Variants in TAF2 observed in about 807,000 individuals in gnomAD.
TAF2 encodes transcription initiation factor TFIID subunit 2.
TAF2 carries 61 observed loss-of-function variants against 138.5 expected under a neutral mutation model. That is an observed-to-expected ratio of 0.44 (90% CI 0.36 to 0.54). The LOEUF is 0.54. Among genes scored for constraint, TAF2 ranks in the 20% least tolerant of loss-of-function variants. TAF2 has a pLI of 0.00. For missense variants in TAF2, 1,090 were observed against 1,427.9 expected, an observed-to-expected ratio of 0.76 and a Z score of 3.81; for synonymous variants, 475 against 469.9, an observed-to-expected ratio of 1.01 and a Z score of -0.14.
chr8:119,799,864 T>A (rs1824123503), intron 6 of TAF2, among the ~76,000 whole-genome samples: 1 of 152,208 alleles, frequency 6.6e-6, no homozygotes, highest in Non-Finnish European at 1.5e-5. Flanking sequence ...TGAGATGGTA[T>A]CTCATTGTGG....
intron 3 of TAF2, among the ~76,000 whole-genome samples, chr8:119,816,210 C>T (rs1825463436): frequency 6.6e-6 from 1 of 151,890 alleles, no homozygotes; most frequent in African/African-American, 2.4e-5. Flanking sequence ...ACTACTACAC[C>T]CGGCTAATTT....
intron 2 of TAF2, 61 bp downstream of exon 2, chr8:119,831,616 G>A (rs1336174398): frequency 9.6e-6 from 12 of 1,251,450 alleles, no homozygotes; most frequent in East Asian, 4.7e-5. Context: ...ACTGTGAGGG[G>A]TGGATTGTTA....
intron 25 of TAF2, among the ~76,000 whole-genome samples, chr8:119,739,182 G>GGC (rs1404179993): frequency 2.6e-5 from 4 of 151,896 alleles, no homozygotes; most frequent in Non-Finnish European, 5.9e-5. Context: ...CCCCTTGCCC[G>GGC]GCCTCTCTTC....
At chr8:119,787,182 A>G (rs1164242260) in intron 14 of TAF2, among the ~76,000 whole-genome samples, 1 of 152,174 alleles carries the variant, frequency 6.6e-6, no homozygotes, top group Non-Finnish European at 1.5e-5. Flanking sequence ...TCCAGAATCT[A>G]CAAGGAACTT....
rs539672421 is a variant in TAF2, at chr8:119,741,117, TG to T, written c.3337+1416del. Among the ~76,000 whole-genome samples, 214 of 152,162 alleles carry T rather than the reference TG, an allele frequency of 1.4e-3. 1 individual carries two copies. The highest frequency in any genetic ancestry group is 4.9e-3 in the African/African-American group (205 of 41,534). On this transcript the variant is annotated intron_variant, in intron 25 of 25. Transcript: ENST00000378164. ...CTATAAAGAAAGAACTGAAAAAAAGTGAAAATGTATTTTTAAAAGCAATAAG... is the reference window on the plus strand; with the variant it reads ...CTATAAAGAAAGAACTGAAAAAAAGTAAAATGTATTTTTAAAAGCAATAAG...
At chr8:119,801,717 C>A in intron 6 of TAF2, 77 bp downstream of exon 6, 2 of 1,422,830 alleles carry the variant, frequency 1.4e-6, no homozygotes, top group Non-Finnish European at 2.0e-6. Context: ...CATGAGCCAC[C>A]GTGCCTTGCC....
chr8:119,795,190 C>T (rs1433506188), intron 9 of TAF2, among the ~76,000 whole-genome samples: 4 of 152,064 alleles, frequency 2.6e-5, no homozygotes, highest in African/African-American at 9.7e-5. Flanking sequence ...CTACAATTGC[C>T]CTCCTTAAAC....
At chr8:119,822,933 C>G (rs1396395077) in intron 2 of TAF2, among the ~76,000 whole-genome samples, 1 of 152,190 alleles carries the variant, frequency 6.6e-6, no homozygotes, top group East Asian at 1.9e-4. Context: ...TTCAACCACT[C>G]CTCTGCCAAC....
chr8:119,788,461 A>G lies in TAF2; in HGVS notation c.1684-14T>C. 1 of 1,598,418 alleles carries G rather than the reference A, an allele frequency of 6.3e-7. No homozygotes were observed. The highest frequency in any genetic ancestry group is 8.6e-7 in the Non-Finnish European group (1 of 1,167,166). On this transcript the variant is annotated splice_polypyrimidine_tract_variant and intron_variant, in intron 13 of 25. Transcript: ENST00000378164. ...TTTAAGTGGTCCCTTTTAAAAAAAAAACGTACTGTTCAGAGATGTGATTTA... is the reference window on the plus strand; with the variant it reads ...TTTAAGTGGTCCCTTTTAAAAAAAAGACGTACTGTTCAGAGATGTGATTTA...
chr8:119,737,511 CTTTTTT>C (rs34513662), intron 25 of TAF2, among the ~76,000 whole-genome samples: 1 of 137,356 alleles, frequency 7.3e-6, no homozygotes, highest in Non-Finnish European at 1.6e-5. Context: ...TTTTCTTTTT[CTTTTTT>C]TTTTTTTTTG....
At chr8:119,749,271 C>T (rs533770901) in intron 22 of TAF2, among the ~76,000 whole-genome samples, 22 of 152,170 alleles carry the variant, frequency 1.4e-4, no homozygotes, top group African/African-American at 5.3e-4. Context: ...TCTATGTGGG[C>T]TTTTTGGTTT....
At chr8:119,825,844 C>T (rs921929411) in intron 2 of TAF2, among the ~76,000 whole-genome samples, 4 of 127,742 alleles carry the variant, frequency 3.1e-5, no homozygotes, top group Non-Finnish European at 6.5e-5. Context: ...ACCGCCACGC[C>T]TGGCTAATTT....
At chr8:119,800,774 C>T (rs879282689) in intron 6 of TAF2, among the ~76,000 whole-genome samples, 4 of 152,080 alleles carry the variant, frequency 2.6e-5, no homozygotes, top group Non-Finnish European at 4.4e-5. Context: ...AGGAGCTCAC[C>T]GAAAGCCTGC....
intron 2 of TAF2, among the ~76,000 whole-genome samples, chr8:119,820,157 A>G (rs1825730356): frequency 6.6e-6 from 1 of 152,194 alleles, no homozygotes; most frequent in Non-Finnish European, 1.5e-5. Flanking sequence ...ACAGTTAAAT[A>G]CAGACTGCCC....
chr8:119,787,787 A>G (rs1407928092), intron 14 of TAF2, among the ~76,000 whole-genome samples: 5 of 152,238 alleles, frequency 3.3e-5, no homozygotes, highest in Non-Finnish European at 1.5e-5. Context: ...ACATATGCAC[A>G]CGTATGTTTA....
chr8:119,791,750 T>G (rs1177907880), intron 10 of TAF2: 2 of 271,626 alleles, frequency 7.4e-6, no homozygotes, highest in Non-Finnish European at 1.4e-5. Flanking sequence ...ATACAATCAG[T>G]GCAATTCCAA....
intron 18 of TAF2, among the ~76,000 whole-genome samples, chr8:119,773,900 G>A (rs1408435818): frequency 2.0e-5 from 3 of 151,702 alleles, no homozygotes; most frequent in African/African-American, 7.2e-5. Context: ...GGCCAGGCGC[G>A]ATGGCTCACG....
chr8:119,760,501 T>C, intron 20 of TAF2, 98 bp downstream of exon 20: 1 of 1,285,598 alleles, frequency 7.8e-7, no homozygotes, highest in Middle Eastern at 2.7e-4. Flanking sequence ...AATTAAAATA[T>C]CTGTGTTATA....
At chr8:119,816,151 C>T (rs921254014) in intron 3 of TAF2, among the ~76,000 whole-genome samples, 2 of 150,838 alleles carry the variant, frequency 1.3e-5, no homozygotes, top group African/African-American at 2.4e-5. Context: ...CCCAGGTTCA[C>T]GCCATTCTCC....
Sources: allele counts gnomAD v4.1 joint callset (sites outside exome capture counted in the v4.1 genomes callset), GRCh38; gene constraint gnomAD v4.1.1; transcripts MANE v1.5; gene names NCBI Gene and HGNC (gene_info 2026-07-23, HGNC 2026-07-21).